Variants in RPS6KA5 observed in about 807,000 individuals in gnomAD.
RPS6KA5 encodes the protein ribosomal protein S6 kinase alpha-5.
RPS6KA5 carries 27 observed loss-of-function variants against 85.5 expected under a neutral mutation model. That is an observed-to-expected ratio of 0.32 (90% confidence interval 0.23 to 0.44). The LOEUF is 0.44. Ranked by LOEUF, RPS6KA5 falls within the 20% of genes least tolerant of loss-of-function variation. RPS6KA5 has a pLI of 1.00. For missense variants in RPS6KA5, 811 were observed against 980.9 expected, an observed-to-expected ratio of 0.83 and a Z score of 2.31; for synonymous variants, 334 against 348.2, an observed-to-expected ratio of 0.96 and a Z score of 0.46.
chr14:91,052,311 A>T (rs1433906742), intron 1 of RPS6KA5: 1 of 392,252 alleles, frequency 2.5e-6, no homozygotes, highest in Non-Finnish European at 4.9e-6. Flanking sequence ...AAAAAAAAAA[A>T]AAAAAAATTA....
chr14:90,875,596 T>C (rs1180158749), intron 14 of RPS6KA5, among the ~76,000 whole-genome samples: 1 of 152,026 alleles, frequency 6.6e-6, no homozygotes, highest in Non-Finnish European at 1.5e-5. Flanking sequence ...TAAAGACACA[T>C]GCACACGTAT....
chr14:90,883,146 T>C (rs936181785), intron 14 of RPS6KA5, among the ~76,000 whole-genome samples: 1 of 152,146 alleles, frequency 6.6e-6, no homozygotes, highest in Non-Finnish European at 1.5e-5. Context: ...TTGAATTTCT[T>C]AGTTGTTTAT....
At chr14:90,979,884 G>C (rs997259147) in intron 2 of RPS6KA5, among the ~76,000 whole-genome samples, 4 of 152,198 alleles carry the variant, frequency 2.6e-5, no homozygotes, top group African/African-American at 9.7e-5. Flanking sequence ...TCAAATGCAA[G>C]GAGTGTGACT....
intron 14 of RPS6KA5, among the ~76,000 whole-genome samples, chr14:90,886,184 A>G (rs886478572): frequency 6.6e-5 from 10 of 152,318 alleles, no homozygotes; most frequent in African/African-American, 2.2e-4. Flanking sequence ...AGAGAGAAAG[A>G]AAAAGGAAAT....
At position 90,937,822 on chromosome 14, in the gene RPS6KA5, A is replaced by G. The variant is rs568487135; in HGVS notation, c.618+5256T>C. Among the ~76,000 whole-genome samples the G allele has an allele frequency of 2.0e-5, 3 of 152,290 alleles. No individual in the cohort carries two copies. In the East Asian group the frequency reaches 5.8e-4, roughly 29 times the overall value. On this transcript the variant is annotated intron_variant, in intron 5 of 16. Coordinates refer to ENST00000614987, the MANE Select transcript of RPS6KA5 (RefSeq NM_004755.4). ...GGGAAAAACTTGCCCCCATGATTCA[A>G]TTACCTCCCACCAGGTCCCTCCCAC...
intron 7 of RPS6KA5, among the ~76,000 whole-genome samples, chr14:90,919,075 T>C (rs2036268533): frequency 1.3e-5 from 2 of 152,206 alleles, no homozygotes; most frequent in Admixed American, 1.3e-4. Context: ...GTTCCCTCAC[T>C]GTGTGCTTAC....
intron 3 of RPS6KA5, among the ~76,000 whole-genome samples, chr14:90,967,086 G>A (rs1257827365): frequency 6.6e-6 from 1 of 152,142 alleles, no homozygotes; most frequent in Admixed American, 6.5e-5. Flanking sequence ...GAAGCTGTCA[G>A]GCAAATTTCA....
At chr14:90,955,576 G>C (rs972195193) in intron 3 of RPS6KA5, among the ~76,000 whole-genome samples, 1 of 151,974 alleles carries the variant, frequency 6.6e-6, no homozygotes, top group Non-Finnish European at 1.5e-5. Flanking sequence ...TTTTGTTATT[G>C]ATTTCTTTTC....
Position 90,854,950 on chromosome 14 carries a change from T to G in RPS6KA5, c.*17124A>C, listed in dbSNP as rs955684647. 6.6e-6 allele frequency: 1 copy of G among 152,200 alleles called. No individual in the cohort carries two copies. Among genetic ancestry groups the G allele is most frequent in the East Asian group, 1.9e-4 (1 of 5,206 alleles). 9.4% of individuals were successfully genotyped at this position (152,200 alleles called of 1,614,324 possible). On this transcript the variant is annotated 3_prime_UTR_variant, in exon 17 of 17. Coordinates refer to ENST00000614987, the MANE Select transcript of RPS6KA5 (RefSeq NM_004755.4). ...AGATTTTATGTAAAACACTCTGCAG[T>G]TAGAAACAATCTTATTTACATTTTC...
At chr14:90,900,776 C>A (rs1444813119) in intron 9 of RPS6KA5, 40 bp from the exon 10 acceptor site, 2 of 1,554,952 alleles carry the variant, frequency 1.3e-6, no homozygotes, top group Non-Finnish European at 1.7e-6. Flanking sequence ...AAACAACTTG[C>A]AGTTTTCCAG....
At chr14:90,985,797 G>A (rs1211189433) in intron 2 of RPS6KA5, among the ~76,000 whole-genome samples, 1 of 152,090 alleles carries the variant, frequency 6.6e-6, no homozygotes, top group Non-Finnish European at 1.5e-5. Flanking sequence ...GCAGTTCCAT[G>A]CCAGTCACTG....
chr14:90,936,701 T>C lies in RPS6KA5; in HGVS notation c.618+6377A>G, dbSNP rs1001380997. ...TAGTGCAATACCTGGCAATGGTAAG[T>C]ACTCCAAGATTTTTTGAATTACTAA... On this transcript the variant is annotated intron_variant, in intron 5 of 16. Coordinates refer to ENST00000614987, the MANE Select transcript of RPS6KA5 (RefSeq NM_004755.4). Among the ~76,000 whole-genome samples, 37 of 152,204 alleles carry C rather than the reference T, an allele frequency of 2.4e-4. 1 individual carries two copies. The highest frequency in any genetic ancestry group is 2.9e-5 in the Non-Finnish European group (2 of 68,038).
chr14:90,928,321 GATTAAAT>G (rs1328450831), intron 5 of RPS6KA5, among the ~76,000 whole-genome samples: 3 of 152,086 alleles, frequency 2.0e-5, no homozygotes, highest in Admixed American at 1.3e-4. Flanking sequence ...ATTTTAAAAA[GATTAAAT>G]ATTAGTGAGC....
At chr14:90,982,295 A>T (rs2039826380) in intron 2 of RPS6KA5, among the ~76,000 whole-genome samples, 1 of 152,134 alleles carries the variant, frequency 6.6e-6, no homozygotes, top group Non-Finnish European at 1.5e-5. Context: ...CAAAAAAAAA[A>T]AAAAGATAAA....
intron 7 of RPS6KA5, among the ~76,000 whole-genome samples, chr14:90,908,037 C>A (rs561550868): frequency 1.3e-5 from 2 of 152,220 alleles, no homozygotes; most frequent in Non-Finnish European, 2.9e-5. Context: ...ACTGACTCTG[C>A]ACCATCTTAT....
Position 90,871,844 on chromosome 14 carries a change from T to G in RPS6KA5, c.*230A>C. On this transcript the variant is annotated 3_prime_UTR_variant, in exon 17 of 17. Transcript: ENST00000614987. ...TTTGCTCTTTCAAGAATAGTCTTGT[T>G]GGCATCATGCTAGGTTGCTAAAAAG... 1.1e-5 allele frequency: 5 copies of G among 436,494 alleles called. No individual in the cohort carries two copies. The highest frequency in any genetic ancestry group is 2.0e-5 in the Non-Finnish European group (5 of 249,442). 27.0% of individuals were successfully genotyped at this position (436,494 alleles called of 1,614,324 possible).
At chr14:91,020,644 GTGTGTGTT>G in intron 1 of RPS6KA5, among the ~76,000 whole-genome samples, 1 of 149,568 alleles carries the variant, frequency 6.7e-6, no homozygotes, top group African/African-American at 2.5e-5. Flanking sequence ...GTGTGTGTGT[GTGTGTGTT>G]TATATGTGTA....
At chr14:90,938,536 A>T (rs1458434148) in intron 5 of RPS6KA5, among the ~76,000 whole-genome samples, 1 of 152,200 alleles carries the variant, frequency 6.6e-6, no homozygotes, top group Non-Finnish European at 1.5e-5. Flanking sequence ...TGAGGGCCCC[A>T]TTCCTGCAGC....
At chr14:90,995,576 C>T (rs1198222776) in intron 2 of RPS6KA5, among the ~76,000 whole-genome samples, 1 of 152,118 alleles carries the variant, frequency 6.6e-6, no homozygotes, top group Non-Finnish European at 1.5e-5. Flanking sequence ...AGAACTAGCT[C>T]GGAATTCACT....
Sources: allele counts gnomAD v4.1 joint callset (sites outside exome capture counted in the v4.1 genomes callset), GRCh38; gene constraint gnomAD v4.1.1; transcripts MANE v1.5; gene names NCBI Gene and HGNC (gene_info 2026-07-23, HGNC 2026-07-21).